CACNA1C: variants seen among roughly 807,000 people sequenced by gnomAD.
CACNA1C encodes calcium voltage-gated channel subunit alpha1 C.
A neutral mutation model predicts 229.0 loss-of-function variants in CACNA1C; 30 were observed. The observed-to-expected ratio is 0.13, with a 90% CI of 0.10 to 0.18. CACNA1C has a LOEUF of 0.18. Among genes scored for constraint, CACNA1C ranks in the 10% least tolerant of loss-of-function variants. The probability of loss-of-function intolerance (pLI) is 1.00; values close to 1 mark genes in which losing one functional copy is unlikely to be tolerated. For missense variants in CACNA1C, 1,658 were observed against 2,845.0 expected (o/e 0.58, Z 9.49); for synonymous variants, 1,114 against 1,132.5 (o/e 0.98, Z 0.33).
At chr12:2,513,317 C>A (rs576959119) in intron 9 of CACNA1C, among the ~76,000 whole-genome samples, 1 of 152,350 alleles carries the variant, frequency 6.6e-6, no homozygotes, top group African/African-American at 2.4e-5. Flanking sequence ...ACAGGCTTCC[C>A]GTTTGAAAGC....
intron 3 of CACNA1C, among the ~76,000 whole-genome samples, chr12:2,405,731 T>C (rs764800442): frequency 4.6e-5 from 7 of 152,200 alleles, no homozygotes; most frequent in Non-Finnish European, 1.5e-5. Context: ...TTGCCTTAGG[T>C]ATTTCCTCCA....
intron 3 of CACNA1C, among the ~76,000 whole-genome samples, chr12:2,185,828 C>T (rs923952494): frequency 6.6e-6 from 1 of 152,300 alleles, no homozygotes; most frequent in African/African-American, 2.4e-5. Context: ...GAGTGTCACT[C>T]ACCCTTCCTC....
chr12:2,559,180 C>T (rs1329100737), intron 11 of CACNA1C, among the ~76,000 whole-genome samples: 5 of 152,084 alleles, frequency 3.3e-5, no homozygotes, highest in Non-Finnish European at 7.4e-5. Flanking sequence ...GTTCCAAAGC[C>T]CCCACACAAT....
intron 3 of CACNA1C, among the ~76,000 whole-genome samples, chr12:2,371,259 A>G (rs957461949): frequency 3.9e-5 from 6 of 152,156 alleles, no homozygotes; most frequent in African/African-American, 1.2e-4. Context: ...CCAGGACACA[A>G]AGCATCCTTG....
At chr12:2,169,917 A>G (rs999692209) in intron 3 of CACNA1C, among the ~76,000 whole-genome samples, 4 of 152,186 alleles carry the variant, frequency 2.6e-5, no homozygotes, top group Non-Finnish European at 5.9e-5. Flanking sequence ...CTGGTGCTCC[A>G]TCTGGGGACT....
At chr12:2,227,683 G>C (rs771983333) in intron 3 of CACNA1C, among the ~76,000 whole-genome samples, 13 of 152,108 alleles carry the variant, frequency 8.5e-5, no homozygotes, top group Non-Finnish European at 1.6e-4. Flanking sequence ...TACACCCCAG[G>C]TGTCAATTAG....
chr12:2,241,656 C>T lies in CACNA1C; in HGVS notation c.477+121226C>T, dbSNP rs530524574. On this transcript the variant is annotated intron_variant, in intron 3 of 46. Coordinates refer to ENST00000399655, the MANE Select transcript of CACNA1C (RefSeq NM_000719.7). Reference sequence around the variant, plus strand: ...GGGCATTTTTAACCTCACGCCTTGACTATCCCCTCTCCCTGTCACAGTCAG... The same window carrying T: ...GGGCATTTTTAACCTCACGCCTTGATTATCCCCTCTCCCTGTCACAGTCAG... 2.6e-5 allele frequency among the ~76,000 whole-genome samples: 4 copies of T among 152,292 alleles called. No homozygotes were observed. The South Asian group carries it at 8.3e-4, about 32-fold the overall frequency.
intron 1 of CACNA1C, among the ~76,000 whole-genome samples, chr12:2,016,336 G>A (rs74676225): frequency 6.6e-6 from 1 of 152,164 alleles, no homozygotes; most frequent in Non-Finnish European, 1.5e-5. Flanking sequence ...CCTTCCAGGA[G>A]CTTAAAGTTT....
intron 18 of CACNA1C, among the ~76,000 whole-genome samples, chr12:2,586,819 CCCT>C (rs919070975): frequency 2.0e-5 from 3 of 152,220 alleles, no homozygotes; most frequent in African/African-American, 7.2e-5. Flanking sequence ...ATCCTCACTC[CCCT>C]CCTCCTGCAA....
intron 3 of CACNA1C, among the ~76,000 whole-genome samples, chr12:2,446,830 G>T (rs1214285849): frequency 1.3e-5 from 2 of 151,420 alleles, no homozygotes; most frequent in Non-Finnish European, 2.9e-5. Flanking sequence ...ATGGGTGAAT[G>T]GGTACATGGA....
intron 21 of CACNA1C, among the ~76,000 whole-genome samples, chr12:2,600,488 G>A (rs545765663): frequency 7.2e-5 from 11 of 152,310 alleles, no homozygotes; most frequent in East Asian, 3.9e-4. Context: ...CCAGATGACC[G>A]GGGAGCCTTG....
chr12:2,565,265 G>T (rs1000641881), intron 11 of CACNA1C, among the ~76,000 whole-genome samples: 1 of 151,340 alleles, frequency 6.6e-6, no homozygotes, highest in Admixed American at 6.6e-5. Context: ...TCAGGAGATC[G>T]AGACCATCCT....
chr12:2,015,805 A>G (rs1298690310), intron 1 of CACNA1C, among the ~76,000 whole-genome samples: 1 of 152,188 alleles, frequency 6.6e-6, no homozygotes, highest in Admixed American at 6.5e-5. Context: ...CTAGTATGGT[A>G]CTTGGGCAGT....
At chr12:1,977,243 G>A (rs964601492) in intron 1 of CACNA1C, among the ~76,000 whole-genome samples, 1 of 152,160 alleles carries the variant, frequency 6.6e-6, no homozygotes, top group African/African-American at 2.4e-5. Flanking sequence ...AGCTTAAAAA[G>A]CACAGATCTG....
intron 1 of CACNA1C, among the ~76,000 whole-genome samples, chr12:1,988,461 G>C (rs1477429631): frequency 3.3e-5 from 5 of 152,258 alleles, no homozygotes; most frequent in South Asian, 4.1e-4. Context: ...CATTCTGCAG[G>C]GTGGGTCAAT....
intron 3 of CACNA1C, among the ~76,000 whole-genome samples, chr12:2,182,011 G>A (rs144267931): frequency 1.4e-3 from 214 of 151,976 alleles, no homozygotes; most frequent in African/African-American, 4.8e-3. Flanking sequence ...ATGTTGAGAG[G>A]CCAGGAGTTC....
At position 2,232,227 on chromosome 12, in the gene CACNA1C, G is replaced by GTTTTTT. The variant is rs1169407536; in HGVS notation, c.477+111817_477+111822dup. ...TGGTGGTAGTTCTCAGTCTTTCCTT[G>GTTTTTT]TTTTTTTTTTTTTTTTTTTTTTTTT... On this transcript the variant is annotated intron_variant, in intron 3 of 46. Transcript: ENST00000399655. Among the ~76,000 whole-genome samples the GTTTTTT allele has an allele frequency of 9.2e-4, 68 of 73,548 alleles. 1 individual carries two copies. Among genetic ancestry groups the GTTTTTT allele is most frequent in the African/African-American group, 2.2e-3 (44 of 20,094 alleles). 48.3% of individuals were successfully genotyped at this position (73,548 alleles called of 152,430 possible).
chr12:2,596,314 T>C, intron 20 of CACNA1C: 1 of 248,312 alleles, frequency 4.0e-6, no homozygotes, highest in Admixed American at 5.4e-5. Flanking sequence ...GGCCACTGAC[T>C]ACATGCCCTC....
At chr12:2,447,545 A>G (rs1053364780) in intron 3 of CACNA1C, among the ~76,000 whole-genome samples, 1 of 147,850 alleles carries the variant, frequency 6.8e-6, no homozygotes, top group African/African-American at 2.5e-5. Context: ...AGAATTCTAC[A>G]GTTTTTAATT....
Sources: allele counts gnomAD v4.1 joint callset (sites outside exome capture counted in the v4.1 genomes callset), GRCh38; gene constraint gnomAD v4.1.1; transcripts MANE v1.5; gene names NCBI Gene and HGNC (gene_info 2026-07-23, HGNC 2026-07-21).